The following SOX5 variants were observed in gnomAD, a reference collection of about 807,000 sequenced individuals.
SOX5 encodes the protein SRY-box transcription factor 5, also known as transcription factor SOX-5.
In SOX5, 9 loss-of-function variants were observed where a neutral mutation model predicts 92.0. That is an observed-to-expected ratio of 0.10 (90% CI 0.06 to 0.17). The LOEUF (loss-of-function observed/expected upper bound fraction) is 0.17. Among genes scored for constraint, SOX5 ranks in the 10% least tolerant of loss-of-function variants. The pLI, the probability that SOX5 is intolerant of heterozygous loss-of-function variation, is 1.00. For missense variants in SOX5, 642 were observed against 944.5 expected (o/e 0.68, Z 4.20); for synonymous variants, 344 against 336.3 (o/e 1.02, Z -0.25).
intron 4 of SOX5, among the ~76,000 whole-genome samples, chr12:23,972,961 C>T (rs866953663): frequency 9.2e-5 from 14 of 152,072 alleles, no homozygotes; most frequent in Non-Finnish European, 5.9e-5. Context: ...CTCCCCTTTT[C>T]CCATCCCTTA....
intron 2 of SOX5, among the ~76,000 whole-genome samples, chr12:24,292,436 A>C (rs1946718045): frequency 6.6e-6 from 1 of 152,250 alleles, no homozygotes; most frequent in Admixed American, 6.5e-5. Flanking sequence ...TTTATTCATC[A>C]TAGTTATAAG....
At chr12:23,667,906 C>T (rs537814856) in intron 6 of SOX5, among the ~76,000 whole-genome samples, 2 of 152,252 alleles carry the variant, frequency 1.3e-5, no homozygotes, top group South Asian at 2.1e-4. Context: ...CTCAAAATAT[C>T]GTTGATCCTG....
chr12:24,530,908 T>G (rs1166404449), intron 1 of SOX5, among the ~76,000 whole-genome samples: 1 of 151,648 alleles, frequency 6.6e-6, no homozygotes, highest in Non-Finnish European at 1.5e-5. Context: ...GACACAGTGA[T>G]AGCTGAGATC....
chr12:24,069,713 T>C (rs1941463923), intron 4 of SOX5, among the ~76,000 whole-genome samples: 1 of 152,192 alleles, frequency 6.6e-6, no homozygotes, highest in Admixed American at 6.5e-5. Flanking sequence ...CCTAATGCTT[T>C]TACAAGGCTG....
chr12:23,779,880 ATAACC>A (rs923535366), intron 3 of SOX5, among the ~76,000 whole-genome samples: 8 of 147,844 alleles, frequency 5.4e-5, no homozygotes, highest in Admixed American at 1.4e-4. Flanking sequence ...TACATGACTA[ATAACC>A]TAATGATACA....
chr12:24,260,754 G>A (rs1169956749), intron 3 of SOX5, among the ~76,000 whole-genome samples: 1 of 152,152 alleles, frequency 6.6e-6, no homozygotes, highest in African/African-American at 2.4e-5. Flanking sequence ...GAAATTCTAA[G>A]TGATTAACAG....
chr12:23,840,455 G>C (rs1179300959), intron 3 of SOX5, among the ~76,000 whole-genome samples: 1 of 152,114 alleles, frequency 6.6e-6, no homozygotes, highest in Non-Finnish European at 1.5e-5. Flanking sequence ...ATCCAAGTAA[G>C]TTATTTTGTG....
rs186914432 is a variant in SOX5 at position 24,467,977 on chromosome 12, G to A, written c.-251+94352C>T. On this transcript the variant is annotated intron_variant, in intron 1 of 4. Transcript: ENST00000446891. Reference sequence around the variant, plus strand: ...ATCTCTGTCTATGCCAATATCCTTGGAGGACCAAGATAACATAATTAGAAT... The same window carrying A: ...ATCTCTGTCTATGCCAATATCCTTGAAGGACCAAGATAACATAATTAGAAT... Among the ~76,000 whole-genome samples the A allele has an allele frequency of 5.5e-3, 833 of 152,282 alleles. 5 individuals carry two copies. Among genetic ancestry groups the A allele is most frequent in the Middle Eastern group, 0.037 (11 of 294 alleles).
chr12:23,823,038 C>G (rs1292299519), intron 3 of SOX5, among the ~76,000 whole-genome samples: 1 of 152,142 alleles, frequency 6.6e-6, no homozygotes, highest in Non-Finnish European at 1.5e-5. Context: ...CTCCTGAATA[C>G]AGCACACTGA....
At chr12:24,403,257 T>C (rs1367762277) in intron 1 of SOX5, among the ~76,000 whole-genome samples, 3 of 152,204 alleles carry the variant, frequency 2.0e-5, no homozygotes, top group Non-Finnish European at 4.4e-5. Context: ...ATAAAGTTGA[T>C]AGCAACCTCT....
At chr12:23,741,374 T>TA (rs1396072900) in intron 4 of SOX5, among the ~76,000 whole-genome samples, 1 of 152,146 alleles carries the variant, frequency 6.6e-6, no homozygotes, top group Non-Finnish European at 1.5e-5. Flanking sequence ...AAGTAAATTT[T>TA]AAAAATAATG....
intron 4 of SOX5, among the ~76,000 whole-genome samples, chr12:24,014,709 G>T (rs1226528487): frequency 6.6e-6 from 1 of 152,138 alleles, no homozygotes; most frequent in Non-Finnish European, 1.5e-5. Context: ...GAGTAGAAAA[G>T]TCTAAGTTGC....
chr12:24,011,558 G>C (rs1411394627), intron 4 of SOX5, among the ~76,000 whole-genome samples: 2 of 152,118 alleles, frequency 1.3e-5, no homozygotes, highest in Non-Finnish European at 2.9e-5. Flanking sequence ...AGTAGGAAGA[G>C]ATATTAGCAG....
intron 3 of SOX5, among the ~76,000 whole-genome samples, chr12:23,831,443 G>A (rs1054395734): frequency 1.3e-5 from 2 of 152,174 alleles, no homozygotes; most frequent in Non-Finnish European, 2.9e-5. Flanking sequence ...GCATTGCACA[G>A]TAGGACAGAG....
At chr12:23,674,711 A>G (rs114883274) in intron 6 of SOX5, among the ~76,000 whole-genome samples, 8,283 of 151,764 alleles carry the variant, frequency 0.055, 647 homozygotes, top group African/African-American at 0.18. Flanking sequence ...TCGCATTTTT[A>G]CTGATTTTAA....
At chr12:23,844,621 GT>G (rs201129645) in intron 3 of SOX5, among the ~76,000 whole-genome samples, 7 of 152,016 alleles carry the variant, frequency 4.6e-5, no homozygotes, top group Non-Finnish European at 8.8e-5. Flanking sequence ...GAAGAAAAAA[GT>G]TTTTTAAGTT....
intron 1 of SOX5, among the ~76,000 whole-genome samples, chr12:23,907,271 G>A (rs1260543656): frequency 1.3e-5 from 2 of 152,098 alleles, no homozygotes; most frequent in African/African-American, 4.8e-5. Context: ...AGGAGGAGAA[G>A]CAGAAGGAAG....
At chr12:24,272,351 C>T (rs1262129888) in intron 3 of SOX5, among the ~76,000 whole-genome samples, 1 of 152,098 alleles carries the variant, frequency 6.6e-6, no homozygotes, top group African/African-American at 2.4e-5. Flanking sequence ...TTTTTCAACC[C>T]TAATAACTTT....
intron 9 of SOX5, among the ~76,000 whole-genome samples, chr12:23,586,750 T>G (rs1013514030): frequency 4.6e-5 from 7 of 151,804 alleles, no homozygotes; most frequent in Admixed American, 3.9e-4. Flanking sequence ...AGATGAATTT[T>G]TACTAGAAAT....
Sources: allele counts gnomAD v4.1 joint callset (sites outside exome capture counted in the v4.1 genomes callset), GRCh38; gene constraint gnomAD v4.1.1; transcripts MANE v1.5; gene names NCBI Gene and HGNC (gene_info 2026-07-23, HGNC 2026-07-21).